Variants in GALNT5 observed in about 807,000 individuals in gnomAD.
GALNT5 encodes UDP-GalNAc:polypeptide N-acetylgalactosaminyltransferase 5.
Under a neutral mutation model 85.4 loss-of-function variants are expected in GALNT5, and 72 were observed. The observed-to-expected ratio is 0.84, with a 90% CI of 0.70 to 1.03. The LOEUF is 1.03. GALNT5 is among the 50% of genes least tolerant of loss of function. GALNT5 has a pLI of 0.00. For missense variants in GALNT5, 1,137 were observed against 1,135.5 expected (o/e 1.00, Z -0.02); for synonymous variants, 404 against 397.0 (o/e 1.02, Z -0.21).
At chr2:157,269,133 A>C (rs543983592) in intron 1 of GALNT5, among the ~76,000 whole-genome samples, 27 of 152,328 alleles carry the variant, frequency 1.8e-4, no homozygotes, top group Non-Finnish European at 3.4e-4. Flanking sequence ...ACCCTATTAC[A>C]TTAGCAAGTA....
intron 1 of GALNT5, among the ~76,000 whole-genome samples, chr2:157,272,127 G>C (rs1338158433): frequency 6.6e-6 from 1 of 152,068 alleles, no homozygotes; most frequent in Non-Finnish European, 1.5e-5. Context: ...AATATAAAGA[G>C]ACCTTGCTTC....
chr2:157,268,826 T>C lies in GALNT5; in HGVS notation c.1454+9290T>C, dbSNP rs191596896. 7.9e-5 allele frequency among the ~76,000 whole-genome samples: 12 copies of C among 152,258 alleles called. No homozygotes were observed. The East Asian group carries it at 2.1e-3, about 27-fold the overall frequency. On this transcript the variant is annotated intron_variant, in intron 1 of 9. Transcript: ENST00000259056. ...AGAGATTGGATTAATTTTTTAAGTA[T>C]AGCATGGGACCAGTAGACTCTAAAT...
chr2:157,284,416 A>C lies in GALNT5; in HGVS notation c.1589A>C (p.Glu530Ala). Residue 530 changes from glutamate (E) to alanine (A), a missense_variant, in exon 2 of 10, where the codon GAG (glutamate) becomes GCG (alanine). Coordinates refer to ENST00000259056, the MANE Select transcript of GALNT5 (RefSeq NM_014568.3). ...INRSPPHLIK[E>A]ILLVDDFSTK... ...CGCTCTCCTCCACACCTCATCAAGGAGATTCTGCTGGTAGATGACTTCAGC... is the reference window on the plus strand; with the variant it reads ...CGCTCTCCTCCACACCTCATCAAGGCGATTCTGCTGGTAGATGACTTCAGC... 1.1e-5 allele frequency: 18 copies of C among 1,614,042 alleles called. No individual in the cohort carries two copies. The highest frequency in any genetic ancestry group is 1.4e-5 in the Non-Finnish European group (17 of 1,179,918).
At position 157,259,386 on chromosome 2, in the gene GALNT5, C is replaced by A; in HGVS notation, c.1304C>A (p.Pro435His). The A allele has an allele frequency of 6.6e-7, 1 of 1,508,552 alleles. No individual in the cohort carries two copies. Among genetic ancestry groups the A allele is most frequent in the Non-Finnish European group, 8.9e-7 (1 of 1,126,216 alleles). The allele number at this position is 1,508,552 out of a possible 1,614,324, so 93.4% of individuals were successfully genotyped here. A position where few individuals can be genotyped will look rare whatever the true frequency, so the allele number is the denominator to read the frequency against. The stretch of plus-strand genomic sequence containing the variant: ...GATGTGACACTTTCTCCAAGGGACC[C>A]CAAAGCTCCAGGGCAGTTTGGGCGT... ...RIDVTLSPRD[P>H]KAPGQFGRPV... Residue 435 changes from proline to histidine, a missense_variant, in exon 1 of 10, where the codon CCC becomes CAC. Physicochemically the swap from Pro to His is moderately conservative, Grantham distance 77 (BLOSUM62 -2). Transcript: ENST00000259056.
chr2:157,301,043 A>C, intron 7 of GALNT5, 44 bp downstream of exon 7: 1 of 1,375,586 alleles, frequency 7.3e-7, no homozygotes, highest in Non-Finnish European at 1.0e-6. Flanking sequence ...ATAAAAACAA[A>C]ACACAAAATC....
At chr2:157,279,298 G>A (rs7573712) in intron 1 of GALNT5, among the ~76,000 whole-genome samples, 25,465 of 152,250 alleles carry the variant, frequency 0.17, 4,747 homozygotes, top group African/African-American at 0.46. Flanking sequence ...ACTTGAGGAG[G>A]CAGTCTGTCC....
intron 1 of GALNT5, among the ~76,000 whole-genome samples, chr2:157,273,751 T>C (rs936074650): frequency 6.8e-6 from 1 of 147,296 alleles, no homozygotes; most frequent in African/African-American, 2.5e-5. Flanking sequence ...CAAGCAATTC[T>C]CCTACCTCAG....
chr2:157,264,575 C>T (rs548024761), intron 1 of GALNT5, among the ~76,000 whole-genome samples: 7 of 151,964 alleles, frequency 4.6e-5, no homozygotes, highest in African/African-American at 1.7e-4. Context: ...AATTTGATTC[C>T]TTCCTACACA....
intron 5 of GALNT5, among the ~76,000 whole-genome samples, 192 bp from the exon 6 acceptor site, chr2:157,299,356 A>G (rs538320001): frequency 6.6e-6 from 1 of 152,222 alleles, no homozygotes; most frequent in African/African-American, 2.4e-5. Context: ...GCTGAACCTA[A>G]TCTAGCTCTG....
intron 3 of GALNT5, among the ~76,000 whole-genome samples, chr2:157,291,394 C>A (rs1280594233): frequency 6.6e-6 from 1 of 152,166 alleles, no homozygotes; most frequent in Non-Finnish European, 1.5e-5. Flanking sequence ...TGTCTGCAAA[C>A]TTTTATAACT....
chr2:157,309,397 G>A (rs1683522365), intron 9 of GALNT5, among the ~76,000 whole-genome samples: 1 of 152,186 alleles, frequency 6.6e-6, no homozygotes, highest in Admixed American at 6.5e-5. Context: ...CCATTTACCA[G>A]AACATTCCTG....
At chr2:157,265,238 G>T (rs1682432963) in intron 1 of GALNT5, among the ~76,000 whole-genome samples, 1 of 152,194 alleles carries the variant, frequency 6.6e-6, no homozygotes, top group Non-Finnish European at 1.5e-5. Context: ...TTGTTAAAAG[G>T]GTTCAGACTA....
intron 1 of GALNT5, among the ~76,000 whole-genome samples, chr2:157,262,029 G>T (rs1682352596): frequency 6.6e-6 from 1 of 152,108 alleles, no homozygotes; most frequent in Non-Finnish European, 1.5e-5. Context: ...AAGAATACAG[G>T]AGGGCTAGCT....
chr2:157,317,174 G>GTA lies in GALNT5; in HGVS notation c.*5850_*5851dup, dbSNP rs68129611. ...TTTTGTAAATATACTGTATGTGTGT[G>GTA]TATATATATATATATATATATATAT... On this transcript the variant is annotated 3_prime_UTR_variant, in exon 10 of 10. Coordinates refer to ENST00000259056, the MANE Select transcript of GALNT5 (RefSeq NM_014568.3). Among the ~76,000 whole-genome samples the GTA allele has an allele frequency of 0.061, 8,540 of 139,134 alleles. 342 individuals are homozygous for GTA. Among genetic ancestry groups the GTA allele is most frequent in the Non-Finnish European group, 0.085 (5,513 of 64,528 alleles). The allele number at this position is 139,134 out of a possible 152,430, so 91.3% of individuals were successfully genotyped here.
chr2:157,269,171 G>GT, intron 1 of GALNT5, among the ~76,000 whole-genome samples: 1 of 152,160 alleles, frequency 6.6e-6, no homozygotes. Context: ...AAAGACTAGA[G>GT]TAAGAGTTTA....
intron 3 of GALNT5, among the ~76,000 whole-genome samples, chr2:157,289,421 C>T (rs1213351961): frequency 6.6e-6 from 1 of 152,206 alleles, no homozygotes; most frequent in Non-Finnish European, 1.5e-5. Flanking sequence ...CAACTCAGTA[C>T]ATGTGTAATC....
At chr2:157,293,357 CACAA>C (rs1683138828) in intron 3 of GALNT5, among the ~76,000 whole-genome samples, 2 of 152,260 alleles carry the variant, frequency 1.3e-5, no homozygotes, top group Admixed American at 6.5e-5. Context: ...AAAAGGAGCT[CACAA>C]ACACTCTCCA....
chr2:157,308,295 CTTA>C (rs1400666042), intron 8 of GALNT5, among the ~76,000 whole-genome samples: 2 of 152,160 alleles, frequency 1.3e-5, no homozygotes, highest in Admixed American at 1.3e-4. Context: ...TTATTGAAGG[CTTA>C]TTGTGTGCTA....
chr2:157,268,370 T>G (rs934487304), intron 1 of GALNT5, among the ~76,000 whole-genome samples: 2 of 152,158 alleles, frequency 1.3e-5, no homozygotes, highest in African/African-American at 4.8e-5. Flanking sequence ...CTTGATAGAT[T>G]CAGATTAAAG....
Sources: allele counts gnomAD v4.1 joint callset (sites outside exome capture counted in the v4.1 genomes callset), GRCh38; gene constraint gnomAD v4.1.1; transcripts MANE v1.5; gene names NCBI Gene and HGNC (gene_info 2026-07-23, HGNC 2026-07-21).